Variants in FER observed in about 807,000 individuals in gnomAD.
The protein encoded by FER is tyrosine-protein kinase Fer.
Under a neutral mutation model 111.0 loss-of-function variants are expected in FER, and 63 were observed. The observed-to-expected ratio is 0.57, with a 90% CI of 0.46 to 0.70. FER has a LOEUF of 0.70. Among genes scored for constraint, FER ranks in the 30% least tolerant of loss-of-function variants. The pLI is 0.00. For missense variants in FER, 914 were observed against 954.0 expected, an observed-to-expected ratio of 0.96 and a Z score of 0.55; for synonymous variants, 327 against 313.9, an observed-to-expected ratio of 1.04 and a Z score of -0.44.
intron 3 of FER, chr5:108,820,121 T>G: frequency 1.0e-6 from 1 of 985,248 alleles, no homozygotes; most frequent in African/African-American, 1.7e-5. Flanking sequence ...CTAACTATAG[T>G]TCATTCTTCT....
intron 14 of FER, among the ~76,000 whole-genome samples, chr5:109,040,428 A>T: frequency 6.6e-6 from 1 of 152,136 alleles, no homozygotes; most frequent in East Asian, 1.9e-4. Context: ...AGGAGATATG[A>T]TGCCTTGGAA....
intron 10 of FER, among the ~76,000 whole-genome samples, chr5:108,935,679 T>C (rs971323184): frequency 2.0e-5 from 3 of 152,102 alleles, no homozygotes; most frequent in African/African-American, 7.2e-5. Flanking sequence ...TGGTTCTTTC[T>C]GCCCTTTTAT....
intron 17 of FER, among the ~76,000 whole-genome samples, chr5:109,159,320 GAA>G (rs1348041372): frequency 6.6e-6 from 1 of 152,114 alleles, no homozygotes; most frequent in Non-Finnish European, 1.5e-5. Context: ...TCACCAATCA[GAA>G]ATAATCTTTA....
chr5:109,142,873 T>C (rs1753676876), intron 17 of FER, among the ~76,000 whole-genome samples: 2 of 152,116 alleles, frequency 1.3e-5, no homozygotes, highest in Non-Finnish European at 2.9e-5. Context: ...AGTATTAGAA[T>C]TGTAGATTGT....
chr5:109,155,756 T>G (rs897039691), intron 17 of FER, among the ~76,000 whole-genome samples: 6 of 151,966 alleles, frequency 3.9e-5, no homozygotes, highest in Non-Finnish European at 1.5e-5. Flanking sequence ...TGTGAGTCCA[T>G]AGAAGGGAAA....
At chr5:109,096,339 G>A (rs72796564) in intron 16 of FER, among the ~76,000 whole-genome samples, 3,109 of 151,900 alleles carry the variant, frequency 0.02, 51 homozygotes, top group Middle Eastern at 0.092. Flanking sequence ...TATCTTATCC[G>A]TTAGATATCT....
intron 10 of FER, among the ~76,000 whole-genome samples, chr5:108,933,465 G>A (rs1417083977): frequency 6.6e-6 from 1 of 152,002 alleles, no homozygotes; most frequent in Non-Finnish European, 1.5e-5. Flanking sequence ...ATGTGTTTTG[G>A]TACCAGTACC....
chr5:108,990,747 GA>G (rs1763070004), intron 13 of FER, among the ~76,000 whole-genome samples: 1 of 151,598 alleles, frequency 6.6e-6, no homozygotes, highest in Non-Finnish European at 1.5e-5. Context: ...ATTATTCAGT[GA>G]AATAGATGAG....
chr5:108,987,684 G>A lies in FER; in HGVS notation c.1656+28337G>A, dbSNP rs999301117. On this transcript the variant is annotated intron_variant, in intron 13 of 19. Transcript: ENST00000281092. ...CCAAATTCATTTACCAGTTCTACAA[G>A]CTTTTTGGAGGAGTCTTTAGGGTTT... 2.0e-5 allele frequency among the ~76,000 whole-genome samples: 3 copies of A among 152,234 alleles called. No individual in the cohort carries two copies. In the East Asian group the frequency reaches 5.8e-4, roughly 29 times the overall value.
intron 5 of FER, among the ~76,000 whole-genome samples, chr5:108,843,394 TTATA>T (rs1761477983): frequency 6.6e-6 from 1 of 152,302 alleles, no homozygotes; most frequent in Non-Finnish European, 1.5e-5. Context: ...CATTTTATAT[TTATA>T]TATGAGTACA....
intron 5 of FER, chr5:108,841,821 G>A (rs747400747): frequency 1.4e-5 from 6 of 424,454 alleles, no homozygotes; most frequent in Admixed American, 2.9e-5. Flanking sequence ...TTTTTCCTAT[G>A]TCTTATCAGT....
chr5:108,945,611 GTCA>G (rs140014500), intron 10 of FER, among the ~76,000 whole-genome samples: 20,395 of 151,740 alleles, frequency 0.13, 1,415 homozygotes, highest in Middle Eastern at 0.16. Context: ...CATTATGATG[GTCA>G]TCATCATCAT....
intron 13 of FER, among the ~76,000 whole-genome samples, chr5:109,029,916 C>G (rs992669905): frequency 4.6e-5 from 7 of 152,062 alleles, no homozygotes; most frequent in African/African-American, 1.4e-4. Flanking sequence ...CTCTTTCAGC[C>G]CTACTCTTTC....
At chr5:109,048,262 C>A (rs1772281198) in intron 16 of FER, among the ~76,000 whole-genome samples, 1 of 151,938 alleles carries the variant, frequency 6.6e-6, no homozygotes, top group African/African-American at 2.4e-5. Flanking sequence ...CTCAATATTA[C>A]CATGTAACTG....
At chr5:109,023,408 T>G (rs918408580) in intron 13 of FER, among the ~76,000 whole-genome samples, 3 of 152,108 alleles carry the variant, frequency 2.0e-5, no homozygotes, top group Non-Finnish European at 4.4e-5. Flanking sequence ...AAGTGGAGAT[T>G]TCAAGTAGGC....
intron 5 of FER, among the ~76,000 whole-genome samples, chr5:108,841,013 T>C (rs571996738): frequency 1.3e-5 from 2 of 152,252 alleles, no homozygotes; most frequent in East Asian, 3.9e-4. Flanking sequence ...AGCAGATGAC[T>C]GGGAAGAGAA....
intron 9 of FER, among the ~76,000 whole-genome samples, chr5:108,890,906 A>G (rs1747943430): frequency 6.6e-6 from 1 of 152,120 alleles, no homozygotes; most frequent in African/African-American, 2.4e-5. Context: ...TTCTGGAGTA[A>G]CTGCCTAGGA....
chr5:108,970,727 C>A (rs763005622), intron 13 of FER, among the ~76,000 whole-genome samples: 11 of 151,928 alleles, frequency 7.2e-5, no homozygotes, highest in Non-Finnish European at 1.5e-4. Flanking sequence ...TGAGAATAGG[C>A]AGAAGGAGGA....
intron 13 of FER, among the ~76,000 whole-genome samples, chr5:108,993,320 C>T (rs1370725979): frequency 1.3e-5 from 2 of 152,226 alleles, no homozygotes; most frequent in African/African-American, 2.4e-5. Context: ...GCGGATCACT[C>T]GCGGTTAGGA....
Sources: gnomAD v4.1 joint callset for allele counts (sites outside exome capture counted in the v4.1 genomes callset) on GRCh38, gnomAD v4.1.1 for gene constraint, MANE v1.5 for transcripts, NCBI Gene and HGNC (gene_info 2026-07-23, HGNC 2026-07-21) for gene names.